Variants in CTNND2 observed in about 807,000 individuals in gnomAD.
CTNND2 encodes the protein catenin delta-2.
A neutral mutation model predicts 144.4 loss-of-function variants in CTNND2; 22 were observed. The ratio of observed to expected loss-of-function variants is 0.15; its 90% CI spans 0.11 to 0.22. The LOEUF is 0.22. CTNND2 is among the 10% of genes least tolerant of loss of function. The pLI is 1.00. For synonymous variants in CTNND2, 751 were observed against 695.6 expected, an observed-to-expected ratio of 1.08 and a Z score of -1.25; for missense variants, 1,353 against 1,618.8, an observed-to-expected ratio of 0.84 and a Z score of 2.82.
At chr5:11,524,534 T>C (rs1773040347) in intron 3 of CTNND2, among the ~76,000 whole-genome samples, 1 of 152,154 alleles carries the variant, frequency 6.6e-6, no homozygotes. Flanking sequence ...CAGGGAACCC[T>C]GCATTAACAC....
At chr5:11,191,926 C>T (rs756038034) in intron 11 of CTNND2, among the ~76,000 whole-genome samples, 59 of 152,260 alleles carry the variant, frequency 3.9e-4, no homozygotes, top group Non-Finnish European at 5.9e-4. Context: ...CCTGCTGGCC[C>T]GTGTCAACTG....
In CTNND2 at chr5:11,397,580, A is replaced by G. The variant is rs77429061; in HGVS notation, c.440-377T>C. On this transcript the variant is annotated intron_variant, in intron 5 of 21. Coordinates refer to ENST00000304623, the MANE Select transcript of CTNND2 (RefSeq NM_001332.4). ...CTTTTCGGTACCTGTTAATTTTGCT[A>G]ATATAATTATATCTCCTACTTAATG... 6.4e-3 allele frequency among the ~76,000 whole-genome samples: 969 copies of G among 152,290 alleles called. 13 individuals are homozygous for G. The highest frequency in any genetic ancestry group is 0.02 in the Middle Eastern group (6 of 294).
At chr5:11,073,845 G>A (rs1168636742) in intron 16 of CTNND2, among the ~76,000 whole-genome samples, 2 of 152,224 alleles carry the variant, frequency 1.3e-5, no homozygotes, top group Admixed American at 6.5e-5. Context: ...CAAACCAGCA[G>A]AGAGTGCTCC....
chr5:11,585,478 C>CTA (rs1561590728), intron 2 of CTNND2, among the ~76,000 whole-genome samples: 129 of 88,820 alleles, frequency 1.5e-3, no homozygotes, highest in African/African-American at 6.2e-3. Context: ...TATATTTTAT[C>CTA]TATGTATATC....
At chr5:11,603,569 G>C (rs775335002) in intron 2 of CTNND2, among the ~76,000 whole-genome samples, 27 of 152,088 alleles carry the variant, frequency 1.8e-4, no homozygotes, top group Admixed American at 1.3e-3. Context: ...GCTAATTATA[G>C]AGTTTGCTAC....
At chr5:11,427,510 C>T (rs1241625946) in intron 3 of CTNND2, among the ~76,000 whole-genome samples, 3 of 152,118 alleles carry the variant, frequency 2.0e-5, no homozygotes, top group Non-Finnish European at 2.9e-5. Flanking sequence ...GGACTCCTGA[C>T]CTCAAGCAAT....
chr5:11,734,357 A>G (rs1787560548), intron 1 of CTNND2, among the ~76,000 whole-genome samples: 1 of 152,152 alleles, frequency 6.6e-6, no homozygotes, highest in Admixed American at 6.6e-5. Context: ...CCCCACATGT[A>G]GTGAGAGGGA....
intron 11 of CTNND2, among the ~76,000 whole-genome samples, chr5:11,197,349 C>A (rs529282711): frequency 6.6e-6 from 1 of 152,226 alleles, no homozygotes; most frequent in Non-Finnish European, 1.5e-5. Flanking sequence ...TCCATCTTAA[C>A]GGATGTGGCT....
At chr5:11,185,605 T>G (rs1011855155) in intron 11 of CTNND2, among the ~76,000 whole-genome samples, 1 of 152,236 alleles carries the variant, frequency 6.6e-6, no homozygotes, top group East Asian at 1.9e-4. Context: ...ACAGCCGTCA[T>G]GATGGAAGAG....
At chr5:11,388,055 G>A (rs946232274) in intron 6 of CTNND2, among the ~76,000 whole-genome samples, 8 of 152,138 alleles carry the variant, frequency 5.3e-5, no homozygotes, top group Non-Finnish European at 1.2e-4. Context: ...ATTTTGACAA[G>A]CTACGGCAAC....
chr5:11,510,239 A>G (rs1771512855), intron 3 of CTNND2, among the ~76,000 whole-genome samples: 1 of 152,068 alleles, frequency 6.6e-6, no homozygotes, highest in Non-Finnish European at 1.5e-5. Flanking sequence ...ACTGTCCCAT[A>G]CCCATTTTTT....
intron 16 of CTNND2, among the ~76,000 whole-genome samples, chr5:11,076,189 C>A (rs1274407230): frequency 6.6e-6 from 1 of 152,136 alleles, no homozygotes; most frequent in Non-Finnish European, 1.5e-5. Flanking sequence ...GGTTTCTTAT[C>A]AAATAGGTGC....
rs1736840027 is a variant in CTNND2 at position 10,978,822 on chromosome 5, T to G, written c.3417+2951A>C. Among the ~76,000 whole-genome samples the G allele has an allele frequency of 2.0e-5, 3 of 152,250 alleles. No individual in the cohort carries two copies. In the South Asian group the frequency reaches 6.2e-4, roughly 32 times the overall value. Reference sequence around the variant, plus strand: ...GGCTATGGCTAGGTGGTGTTCACACTCATGGCAAGGATGCCATCTTAGCAC... The same window carrying G: ...GGCTATGGCTAGGTGGTGTTCACACGCATGGCAAGGATGCCATCTTAGCAC... On this transcript the variant is annotated intron_variant, in intron 21 of 21. Transcript: ENST00000304623.
chr5:11,623,813 T>C lies in CTNND2; in HGVS notation c.175-58757A>G, dbSNP rs1176891919. Among the ~76,000 whole-genome samples the C allele has an allele frequency of 1.8e-4, 4 of 21,764 alleles. No homozygotes were observed. In the East Asian group the frequency reaches 3.7e-3, roughly 20 times the overall value. 14.3% of individuals were successfully genotyped at this position (21,764 alleles called of 152,430 possible). On this transcript the variant is annotated intron_variant, in intron 2 of 21. Coordinates refer to ENST00000304623, the MANE Select transcript of CTNND2 (RefSeq NM_001332.4). ...AAATATATATATGTGTGTATGTATA[T>C]ATATATATATATATATATATATATA...
At chr5:11,523,029 T>C (rs909321891) in intron 3 of CTNND2, among the ~76,000 whole-genome samples, 1 of 152,208 alleles carries the variant, frequency 6.6e-6, no homozygotes, top group African/African-American at 2.4e-5. Flanking sequence ...TTGGATGCGA[T>C]GGGCTGGCTT....
intron 9 of CTNND2, among the ~76,000 whole-genome samples, chr5:11,308,074 C>A (rs1323029509): frequency 6.6e-6 from 1 of 152,238 alleles, no homozygotes; most frequent in Non-Finnish European, 1.5e-5. Flanking sequence ...TGCTCTCAGA[C>A]TTCCCAGCCT....
intron 9 of CTNND2, among the ~76,000 whole-genome samples, chr5:11,272,169 A>G (rs1035983113): frequency 2.6e-5 from 4 of 152,208 alleles, no homozygotes; most frequent in Non-Finnish European, 4.4e-5. Context: ...TTGTGGATTA[A>G]TTCAGAAAAC....
intron 2 of CTNND2, among the ~76,000 whole-genome samples, chr5:11,709,835 T>G (rs1241447035): frequency 1.3e-5 from 2 of 152,220 alleles, no homozygotes; most frequent in Non-Finnish European, 2.9e-5. Flanking sequence ...TATCGTATAG[T>G]GAAATTGTCC....
chr5:11,390,366 G>T (rs1406682072), intron 6 of CTNND2, among the ~76,000 whole-genome samples: 1 of 152,134 alleles, frequency 6.6e-6, no homozygotes, highest in African/African-American at 2.4e-5. Flanking sequence ...GAGTAGGAAT[G>T]GCAGAGGAGT....
Sources: allele counts gnomAD v4.1 joint callset (sites outside exome capture counted in the v4.1 genomes callset), GRCh38; gene constraint gnomAD v4.1.1; transcripts MANE v1.5; gene names NCBI Gene and HGNC (gene_info 2026-07-23, HGNC 2026-07-21).